CPLANE1: variants seen among roughly 807,000 people sequenced by gnomAD.
The protein encoded by CPLANE1 is ciliogenesis and planar polarity effector 1.
CPLANE1 carries 263 observed loss-of-function variants against 362.5 expected under a neutral mutation model. The observed-to-expected ratio is 0.73, with a 90% confidence interval of 0.66 to 0.80. CPLANE1 has a LOEUF of 0.80. Ranked by LOEUF, CPLANE1 falls within the 30% of genes least tolerant of loss-of-function variation. The pLI, the probability that CPLANE1 is intolerant of heterozygous loss-of-function variation, is 0.00. For missense variants in CPLANE1, 3,461 were observed against 3,793.4 expected (o/e 0.91, Z 2.30); for synonymous variants, 1,212 against 1,302.6 (o/e 0.93, Z 1.50).
chr5:37,175,303 T>C (rs978069651), intron 31 of CPLANE1, among the ~76,000 whole-genome samples: 2 of 152,126 alleles, frequency 1.3e-5, no homozygotes, highest in African/African-American at 4.8e-5. Context: ...CTCTTTAAAC[T>C]GAGTGTAGCA....
the CPLANE1 span, among the ~76,000 whole-genome samples, chr5:37,084,758 G>A: frequency 1.1e-4 from 16 of 151,378 alleles, no homozygotes; most frequent in African/African-American, 2.4e-4. Context: ...GCAACAGAGC[G>A]AGACTCTGTC....
Position 37,227,662 on chromosome 5 carries a change from AGAAATC to A in CPLANE1, c.1271_1276del (p.Arg424_Phe425del). ...GTGTACTGATGGAGATAGGCTATCA[AGAAATC>A]GAAGGGTTGTGACCATATATCCATC... is the stretch of plus-strand genomic sequence containing the variant. On this transcript the variant is annotated inframe_deletion, in exon 10 of 53. Transcript: ENST00000651892. 1 of 1,551,540 alleles carries A rather than the reference AGAAATC, an allele frequency of 6.4e-7. No individual in the cohort carries two copies. Among genetic ancestry groups the A allele is most frequent in the Non-Finnish European group, 8.7e-7 (1 of 1,146,888 alleles).
intron 51 of CPLANE1, among the ~76,000 whole-genome samples, chr5:37,109,814 G>A (rs1012242078): frequency 1.3e-5 from 2 of 152,100 alleles, no homozygotes; most frequent in African/African-American, 2.4e-5. Context: ...GCGCCACCAT[G>A]CCCAGCTAAT....
intron 37 of CPLANE1, among the ~76,000 whole-genome samples, chr5:37,163,381 C>T (rs1777391784): frequency 1.3e-5 from 2 of 152,050 alleles, no homozygotes; most frequent in African/African-American, 4.8e-5. Flanking sequence ...GAGGAAAAAA[C>T]AGTTGGGGCA....
At chr5:37,113,882 G>A (rs898498226) in intron 51 of CPLANE1, among the ~76,000 whole-genome samples, 2 of 151,982 alleles carry the variant, frequency 1.3e-5, no homozygotes, top group East Asian at 1.9e-4. Context: ...GTGCAATTTC[G>A]GCTCACTGCA....
At chr5:37,144,831 A>C (rs1451543522) in intron 43 of CPLANE1, among the ~76,000 whole-genome samples, 3 of 150,642 alleles carry the variant, frequency 2.0e-5, no homozygotes, top group Non-Finnish European at 4.4e-5. Flanking sequence ...AGCCTGGGTG[A>C]CAGAGCGAGA....
At chr5:37,143,237 C>T (rs867107245) in intron 43 of CPLANE1, among the ~76,000 whole-genome samples, 3 of 152,202 alleles carry the variant, frequency 2.0e-5, no homozygotes, top group African/African-American at 7.2e-5. Context: ...AGCAGAACTT[C>T]CACTAATGAT....
rs35522666 is a variant in CPLANE1, at chr5:37,154,459, CTTTTT to C, written c.8120-471_8120-467del. On this transcript the variant is annotated intron_variant, in intron 41 of 52. Transcript: ENST00000651892. ...TTCTTCTCCCAAATTTGCAATAGTT[CTTTTT>C]TTTTTTTTTTTTTTTTTTTAAGAGA... 8.5e-3 allele frequency among the ~76,000 whole-genome samples: 722 copies of C among 84,590 alleles called. 22 individuals are homozygous for C. Among genetic ancestry groups the C allele is most frequent in the African/African-American group, 0.039 (686 of 17,660 alleles). 55.5% of individuals were successfully genotyped at this position (84,590 alleles called of 152,430 possible).
chr5:37,210,459 A>T (rs764618828), intron 16 of CPLANE1: 5 of 1,078,820 alleles, frequency 4.6e-6, no homozygotes, highest in Non-Finnish European at 7.1e-6. Context: ...CATTAGAACT[A>T]ATCGACTGAT....
At chr5:37,211,170 A>G in intron 16 of CPLANE1, 5 of 1,296,650 alleles carry the variant, frequency 3.9e-6, no homozygotes, top group Non-Finnish European at 5.6e-6. Flanking sequence ...TCTAGCAGGT[A>G]CGGTTGCATC....
intron 44 of CPLANE1, chr5:37,139,882 A>G: frequency 1.0e-6 from 1 of 985,588 alleles, no homozygotes; most frequent in Non-Finnish European, 1.2e-6. Flanking sequence ...TATCCTGAGT[A>G]CTCAGTGTAA....
At chr5:37,100,655 T>A in the CPLANE1 span, among the ~76,000 whole-genome samples, 2 of 152,332 alleles carry the variant, frequency 1.3e-5, no homozygotes, top group South Asian at 4.1e-4. Context: ...GTGAAGAATG[T>A]CAATGGTAGT....
At chr5:37,246,152 C>CTTTTTTTTTTT (rs11299594) in intron 2 of CPLANE1, 1 of 130,052 alleles carries the variant, frequency 7.7e-6, no homozygotes, top group Non-Finnish European at 1.6e-5. Flanking sequence ...ACTTTTTAAT[C>CTTTTTTTTTTT]TTTTTTTTTT....
chr5:37,131,774 C>T (rs1349137261), intron 46 of CPLANE1, among the ~76,000 whole-genome samples: 2 of 152,122 alleles, frequency 1.3e-5, no homozygotes, highest in Admixed American at 1.3e-4. Flanking sequence ...TCCTGATCCG[C>T]CCACCTCAGC....
chr5:37,107,221 C>A lies in CPLANE1; in HGVS notation c.*381G>T, dbSNP rs1172811626. 10 of 986,796 alleles carry A rather than the reference C, an allele frequency of 1.0e-5. No homozygotes were observed. The highest frequency in any genetic ancestry group is 6.1e-5 in the Admixed American group (1 of 16,378). The allele number at this position is 986,796 out of a possible 1,614,324, so 61.1% of individuals were successfully genotyped here. A position where few individuals can be genotyped will look rare whatever the true frequency, so the allele number is the denominator to read the frequency against. ...TCTCAATGAAAAGATTTTTTTTTTTCCTATTAGATTCATCTGTATATGGTT... is the reference window on the plus strand; with the variant it reads ...TCTCAATGAAAAGATTTTTTTTTTTACTATTAGATTCATCTGTATATGGTT... On this transcript the variant is annotated 3_prime_UTR_variant, in exon 53 of 53. Transcript: ENST00000651892.
intron 46 of CPLANE1, among the ~76,000 whole-genome samples, chr5:37,131,469 T>C (rs886259396): frequency 6.6e-6 from 1 of 152,134 alleles, no homozygotes; most frequent in Non-Finnish European, 1.5e-5. Flanking sequence ...AACACTGATA[T>C]AACTTGGTCT....
intron 41 of CPLANE1, 66 bp from the exon 42 acceptor site, chr5:37,154,059 C>T: frequency 1.4e-6 from 2 of 1,397,966 alleles, no homozygotes; most frequent in Non-Finnish European, 1.9e-6. Flanking sequence ...TTGATGATCT[C>T]ATTTTTTGAT....
At chr5:37,225,893 G>C (rs1796373718) in intron 12 of CPLANE1, among the ~76,000 whole-genome samples, 1 of 141,654 alleles carries the variant, frequency 7.1e-6, no homozygotes, top group Non-Finnish European at 1.5e-5. Flanking sequence ...TTTTTTAACA[G>C]TACTTAACTA....
Position 37,213,628 on chromosome 5 carries a change from T to A in CPLANE1, c.2851A>T (p.Thr951Ser). 1 of 1,547,518 alleles carries A rather than the reference T, an allele frequency of 6.5e-7. No homozygotes were observed. The highest frequency in any genetic ancestry group is 8.7e-7 in the Non-Finnish European group (1 of 1,144,404). The change falls in exon 16 of 53, where the codon ACC (threonine) becomes TCC (serine). Residue 951 changes from threonine (T) to serine (S), a missense_variant. This residue lies in a region of CPLANE1 where 3,380 missense variants were observed against 3,666.1 expected (regional missense o/e 0.92). Transcript: ENST00000651892. Reference sequence around the variant, plus strand: ...GGCAAAATGCAAAGCTGCTGATTGGTGAAATAGGCAGCCATGAAACGAGCC... The same window carrying A: ...GGCAAAATGCAAAGCTGCTGATTGGAGAAATAGGCAGCCATGAAACGAGCC... Reference protein sequence around the residue: ...SMARFMAAYFTNQQLCILPPH... With the variant: ...SMARFMAAYFSNQQLCILPPH...
Sources: allele counts gnomAD v4.1 joint callset (sites outside exome capture counted in the v4.1 genomes callset), GRCh38; gene constraint gnomAD v4.1.1; regional missense constraint gnomAD v4.1.1; transcripts MANE v1.5; gene names NCBI Gene and HGNC (gene_info 2026-07-23, HGNC 2026-07-21).